The following CKAP5 variants were observed in gnomAD, a reference collection of about 807,000 sequenced individuals.
CKAP5 encodes the protein cytoskeleton-associated protein 5.
A neutral mutation model predicts 232.8 loss-of-function variants in CKAP5; 27 were observed. The observed-to-expected ratio is 0.12, with a 90% CI of 0.09 to 0.16. CKAP5 has a LOEUF of 0.16. Ranked by LOEUF, CKAP5 falls within the 10% of genes least tolerant of loss-of-function variation. CKAP5 has a pLI of 1.00. For synonymous variants in CKAP5, 785 were observed against 841.1 expected (o/e 0.93, Z 1.16); for missense variants, 1,838 against 2,424.7 (o/e 0.76, Z 5.08).
intron 8 of CKAP5, among the ~76,000 whole-genome samples, chr11:46,805,649 A>C (rs775985734): frequency 3.3e-5 from 5 of 152,156 alleles, no homozygotes; most frequent in Non-Finnish European, 5.9e-5. Context: ...AAAAAATAAA[A>C]TGTCAGCTGG....
rs184024501 is a variant in CKAP5 at position 46,808,630 on chromosome 11, A to C, written c.865-486T>G. On this transcript the variant is annotated intron_variant, in intron 7 of 43. Transcript: ENST00000529230. ...TATAAATTTTTGTTCATATATAAAA[A>C]GTATTTTCATAAGATGTTATAACTA... is the stretch of plus-strand genomic sequence containing the variant. 2.8e-3 allele frequency among the ~76,000 whole-genome samples: 420 copies of C among 152,356 alleles called. 2 individuals are homozygous for C. The highest frequency in any genetic ancestry group is 9.6e-3 in the African/African-American group (398 of 41,582).
intron 9 of CKAP5, among the ~76,000 whole-genome samples, chr11:46,800,394 A>C (rs1938999815): frequency 6.6e-6 from 1 of 152,184 alleles, no homozygotes; most frequent in South Asian, 2.1e-4. Context: ...TTCACAATAT[A>C]AAATGGACAC....
chr11:46,814,370 T>C (rs1939351039), intron 4 of CKAP5, among the ~76,000 whole-genome samples: 1 of 152,176 alleles, frequency 6.6e-6, no homozygotes, highest in Admixed American at 6.5e-5. Context: ...AGTCAAATTT[T>C]ATAAAAGTAC....
chr11:46,758,817 A>ACTGCCTGCATCC, intron 35 of CKAP5, 106 bp downstream of exon 35: 1 of 1,285,080 alleles, frequency 7.8e-7, no homozygotes, highest in Non-Finnish European at 1.1e-6. Context: ...AGTATGAAAC[A>ACTGCCTGCATCC]CTGCCTGCAT....
chr11:46,841,469 G>A (rs760120389), intron 1 of CKAP5, among the ~76,000 whole-genome samples: 1 of 152,078 alleles, frequency 6.6e-6, no homozygotes, highest in Non-Finnish European at 1.5e-5. Context: ...GTCAGAATTG[G>A]GATTTGCTAG....
chr11:46,844,729 T>C (rs975689205), intron 1 of CKAP5, among the ~76,000 whole-genome samples: 1 of 152,052 alleles, frequency 6.6e-6, no homozygotes, highest in Non-Finnish European at 1.5e-5. Flanking sequence ...GCAACCTCTG[T>C]CTCCCGGGTT....
chr11:46,769,982 G>T lies in CKAP5; in HGVS notation c.3303C>A (p.Ala1101=). Residue 1101 remains alanine, a synonymous_variant, in exon 26 of 44, where the codon GCC becomes GCA. Transcript: ENST00000529230. ...AGTTACCTGATGCAGGCTGGAATTT[G>T]GCTGGAGCGGACCCTCCCATTGGTT... The part of the protein sequence containing the change: ...TSKPMGGSAP[A]KFQPASAPAE... The T allele has an allele frequency of 6.2e-7, 1 of 1,614,136 alleles. No individual in the cohort carries two copies.
intron 38 of CKAP5, 146 bp from the exon 39 acceptor site, chr11:46,751,680 T>A: frequency 1.5e-6 from 1 of 676,586 alleles, no homozygotes; most frequent in Non-Finnish European, 2.5e-6. Context: ...GTTCAGCTGC[T>A]AAAACATGAA....
At chr11:46,839,780 G>C (rs528897594) in intron 1 of CKAP5, among the ~76,000 whole-genome samples, 1 of 152,212 alleles carries the variant, frequency 6.6e-6, no homozygotes, top group South Asian at 2.1e-4. Flanking sequence ...CTATGATTTT[G>C]AGCATGTTGC....
At chr11:46,795,041 A>C (rs923084400) in intron 13 of CKAP5, among the ~76,000 whole-genome samples, 1 of 151,740 alleles carries the variant, frequency 6.6e-6, no homozygotes, top group Non-Finnish European at 1.5e-5. Context: ...TTAAAAAGTT[A>C]AGACAGACCA....
At chr11:46,759,563 CT>C (rs1213437888) in intron 33 of CKAP5, 121 bp from the exon 34 acceptor site, 1 of 985,532 alleles carries the variant, frequency 1.0e-6, no homozygotes, top group Non-Finnish European at 1.5e-6. Flanking sequence ...TTCAGCCCCC[CT>C]GAATGATTTA....
At chr11:46,773,236 G>A (rs1221804440) in intron 24 of CKAP5, among the ~76,000 whole-genome samples, 3 of 151,806 alleles carry the variant, frequency 2.0e-5, no homozygotes, top group Non-Finnish European at 4.4e-5. Flanking sequence ...TACTCTGATG[G>A]ATTTTTGAAT....
intron 4 of CKAP5, among the ~76,000 whole-genome samples, chr11:46,815,279 A>G (rs974462899): frequency 6.6e-6 from 1 of 151,828 alleles, no homozygotes; most frequent in African/African-American, 2.4e-5. Flanking sequence ...CAAACTCCTG[A>G]CCTTGTGATC....
chr11:46,816,318 C>A lies in CKAP5; in HGVS notation c.338G>T (p.Cys113Phe), dbSNP rs377526871. 1.2e-6 allele frequency: 2 copies of A among 1,613,992 alleles called. No homozygotes were observed. Among genetic ancestry groups the A allele is most frequent in the African/African-American group, 2.7e-5 (2 of 74,910 alleles). Residue 113 changes from cysteine to phenylalanine, a missense_variant, in exon 4 of 44, where the codon TGT becomes TTT. Coordinates refer to ENST00000529230, the MANE Select transcript of CKAP5 (RefSeq NM_001008938.4). ...AKAKELGIEICLMYIEIEKGE... is the reference protein window; with the variant it reads ...AKAKELGIEIFLMYIEIEKGE... ...TTTCTCAATCTCTATGTACATAAGA[C>A]AGATCTCTATGCCCAGCTCCTTGGC...
Position 46,801,233 on chromosome 11 carries a change from C to T in CKAP5, c.1050G>A (p.Gly350=). ...AAKCLTGLAV[G]LRKKFGQYAG... The stretch of plus-strand genomic sequence containing the variant: ...CATATTGTCCAAATTTCTTCCTTAG[C>T]CCAACAGCCAGGCCAGTAAGACATT... The change falls in exon 9 of 44, where the codon GGG becomes GGA. Residue 350 remains glycine (G), a synonymous_variant. Coordinates refer to ENST00000529230, the MANE Select transcript of CKAP5 (RefSeq NM_001008938.4). 5.0e-6 allele frequency: 8 copies of T among 1,613,674 alleles called. No individual in the cohort carries two copies. The highest frequency in any genetic ancestry group is 6.8e-6 in the Non-Finnish European group (8 of 1,179,670).
chr11:46,784,755 T>C, intron 16 of CKAP5, 82 bp from the exon 17 acceptor site: 2 of 994,216 alleles, frequency 2.0e-6, no homozygotes, highest in Non-Finnish European at 3.0e-6. Flanking sequence ...ATGTAACAGA[T>C]ATGACATGGT....
At chr11:46,799,969 C>G (rs970036211) in intron 9 of CKAP5, among the ~76,000 whole-genome samples, 2 of 151,738 alleles carry the variant, frequency 1.3e-5, no homozygotes, top group Non-Finnish European at 2.9e-5. Context: ...CCACTGCACT[C>G]CAGCCTGGGT....
intron 42 of CKAP5, 98 bp downstream of exon 42, chr11:46,750,176 G>C (rs2065052543): frequency 8.3e-7 from 1 of 1,198,742 alleles, no homozygotes. Context: ...ATTAAGTATT[G>C]AGGTTCATGG....
intron 42 of CKAP5, among the ~76,000 whole-genome samples, chr11:46,746,877 AGGTCTTT>A (rs1160148498): frequency 6.6e-6 from 1 of 152,218 alleles, no homozygotes; most frequent in Non-Finnish European, 1.5e-5. Context: ...CTGTAATCCT[AGGTCTTT>A]GGGAGGCTGA....
Sources: allele counts gnomAD v4.1 joint callset (sites outside exome capture counted in the v4.1 genomes callset), GRCh38; gene constraint gnomAD v4.1.1; transcripts MANE v1.5; gene names NCBI Gene and HGNC (gene_info 2026-07-23, HGNC 2026-07-21).